The following UNC5A variants were observed in gnomAD, a reference collection of about 807,000 sequenced individuals.
UNC5A encodes netrin receptor UNC5A.
A neutral mutation model predicts 87.4 loss-of-function variants in UNC5A; 20 were observed. The observed-to-expected ratio is 0.23, with a 90% confidence interval of 0.16 to 0.33. The LOEUF (loss-of-function observed/expected upper bound fraction) is 0.33, where lower values mean the gene tolerates loss of function less well. Ranked by LOEUF, UNC5A falls within the 10% of genes least tolerant of loss-of-function variation. The probability of loss-of-function intolerance (pLI) is 1.00; values close to 1 mark genes in which losing one functional copy is unlikely to be tolerated. For synonymous variants in UNC5A, 438 were observed against 482.3 expected, an observed-to-expected ratio of 0.91 and a Z score of 1.20; for missense variants, 844 against 1,133.4, an observed-to-expected ratio of 0.74 and a Z score of 3.67.
At chr5:176,864,764 A>T in intron 2 of UNC5A, 1 of 452,952 alleles carries the variant, frequency 2.2e-6, no homozygotes, top group Non-Finnish European at 4.4e-6. Context: ...TGGGTTAGGT[A>T]CTAGGAGTTA....
chr5:176,867,355 C>T (rs946448799), intron 2 of UNC5A, among the ~76,000 whole-genome samples: 1 of 152,138 alleles, frequency 6.6e-6, no homozygotes, highest in Non-Finnish European at 1.5e-5. Context: ...CAGCCTGGAG[C>T]GGAGTCCCCC....
intron 1 of UNC5A, among the ~76,000 whole-genome samples, chr5:176,854,507 C>T (rs1367342560): frequency 6.6e-6 from 1 of 152,222 alleles, no homozygotes; most frequent in East Asian, 1.9e-4. Flanking sequence ...CCTGCTCCCC[C>T]TGCCCCCTGC....
intron 1 of UNC5A, among the ~76,000 whole-genome samples, chr5:176,858,722 A>AAGGAGG (rs1554098961): frequency 2.0e-5 from 1 of 49,810 alleles, no homozygotes; most frequent in Non-Finnish European, 4.0e-5. Flanking sequence ...AGAGAGAGAG[A>AAGGAGG]GAAGGAAGGA....
intron 6 of UNC5A, among the ~76,000 whole-genome samples, chr5:176,872,379 A>C (rs1403401062): frequency 2.1e-3 from 29 of 13,904 alleles, no homozygotes; most frequent in Middle Eastern, 0.1. Flanking sequence ...GCCCACACTC[A>C]CCAACACCAC....
At chr5:176,819,131 C>A (rs577709448) in intron 1 of UNC5A, among the ~76,000 whole-genome samples, 1 of 152,204 alleles carries the variant, frequency 6.6e-6, no homozygotes, top group Non-Finnish European at 1.5e-5. Context: ...GCCACACCTG[C>A]CCCTTTCCTG....
chr5:176,828,984 A>G (rs1194146083), intron 1 of UNC5A, among the ~76,000 whole-genome samples: 3 of 151,960 alleles, frequency 2.0e-5, no homozygotes, highest in Non-Finnish European at 1.5e-5. Context: ...CAAAAATTAG[A>G]CAGGTGTGGT....
In UNC5A at chr5:176,874,255, A is replaced by C. The variant is rs1214088109; in HGVS notation, c.1076-9A>C. 2 of 1,584,280 alleles carry C rather than the reference A, an allele frequency of 1.3e-6. No individual in the cohort carries two copies. The highest frequency in any genetic ancestry group is 1.2e-5 in the South Asian group (1 of 86,302). ...GGTGCCATTGCCTGAGTCTGTCTTTATCCTGCAGACAACCCCCATCTGCTC... is the reference window on the plus strand; with the variant it reads ...GGTGCCATTGCCTGAGTCTGTCTTTCTCCTGCAGACAACCCCCATCTGCTC... On this transcript the variant is annotated splice_polypyrimidine_tract_variant and intron_variant, in intron 7 of 14. Coordinates refer to ENST00000329542, the MANE Select transcript of UNC5A (RefSeq NM_133369.3). This position sits in a 1 kb window ranked among gnomAD's most constrained non-coding sequence, Gnocchi z 7.6.
chr5:176,843,333 G>T (rs541950247), intron 1 of UNC5A, among the ~76,000 whole-genome samples: 1 of 152,312 alleles, frequency 6.6e-6, no homozygotes, highest in East Asian at 1.9e-4. Flanking sequence ...GGACTCTAAA[G>T]TACTGTGTAC....
At chr5:176,847,250 G>C (rs895498557) in intron 1 of UNC5A, among the ~76,000 whole-genome samples, 7 of 152,194 alleles carry the variant, frequency 4.6e-5, no homozygotes, top group African/African-American at 1.7e-4. Context: ...CATCCAGCGC[G>C]TGACTCTGGG....
Position 176,868,578 on chromosome 5 carries a change from G to C in UNC5A, c.454G>C (p.Glu152Gln), listed in dbSNP as rs561487874. Residue 152 changes from glutamate to glutamine, a missense_variant, in exon 4 of 15, where the codon GAG becomes CAG. Glu to Gln is a conservative substitution (Grantham distance 29). Around this residue, in one of 3 missense-constraint regions of UNC5A, gnomAD observed 314 missense variants for 466.5 expected, o/e 0.67. Transcript: ENST00000329542. ...TCTTCTAGATTTGCGCAAGAACTTC[G>C]AGCAGGAGCCGCTGGCCAAGGAGGT... ...IRIAYLRKNF[E>Q]QEPLAKEVSL... 6.2e-7 allele frequency: 1 copy of C among 1,603,602 alleles called. No homozygotes were observed. The highest frequency in any genetic ancestry group is 8.5e-7 in the Non-Finnish European group (1 of 1,175,832).
In UNC5A at chr5:176,879,929, C is replaced by A; in HGVS notation, c.*43C>A. 6.3e-7 allele frequency: 1 copy of A among 1,585,852 alleles called. No individual in the cohort carries two copies. The highest frequency in any genetic ancestry group is 8.6e-7 in the Non-Finnish European group (1 of 1,167,310). On this transcript the variant is annotated 3_prime_UTR_variant, in exon 15 of 15. Transcript: ENST00000329542. ...ACCTACACTCTCACCAGCTTTGGCACCCACCAAGGACAGGCAGAAGCCGGA... is the reference window on the plus strand; with the variant it reads ...ACCTACACTCTCACCAGCTTTGGCAACCACCAAGGACAGGCAGAAGCCGGA...
Position 176,865,852 on chromosome 5 carries a change from G to T in UNC5A, c.293-2278G>T. Reference sequence around the variant, plus strand: ...TTTGCCCTCATTCCTCACCCAGAAGGCCAGGGGGCAGGGACCAAGGCCTGA... The same window carrying T: ...TTTGCCCTCATTCCTCACCCAGAAGTCCAGGGGGCAGGGACCAAGGCCTGA... On this transcript the variant is annotated intron_variant, in intron 2 of 14. Transcript: ENST00000329542. The surrounding 1 kb of genome is among the most constrained non-coding windows in gnomAD (Gnocchi z 5.3). The T allele has an allele frequency of 5.7e-6, 2 of 353,944 alleles. No individual in the cohort carries two copies. The highest frequency in any genetic ancestry group is 4.2e-5 in the South Asian group (2 of 48,000). 21.9% of individuals were successfully genotyped at this position (353,944 alleles called of 1,614,324 possible).
rs1581273659 is a variant in UNC5A at position 176,868,796 on chromosome 5, C to T, written c.553C>T (p.Arg185Trp). ...CTCCCTCCCCTAGGTGGAGTGGCTC[C>T]GGAACGAGGACCTGGTGGACCCGTC... ...GIPPAEVEWLRNEDLVDPSLD... is the reference protein window; with the variant it reads ...GIPPAEVEWLWNEDLVDPSLD... Residue 185 changes from arginine (R) to tryptophan (W), a missense_variant, in exon 5 of 15, where the codon CGG becomes TGG. Arg to Trp is a moderately radical substitution (Grantham distance 101). Transcript: ENST00000329542. 1.9e-6 allele frequency: 3 copies of T among 1,598,924 alleles called. No homozygotes were observed. The highest frequency in any genetic ancestry group is 2.6e-6 in the Non-Finnish European group (3 of 1,169,092).
At chr5:176,879,540 C>CCGG (rs912289386) in intron 14 of UNC5A, 52 bp downstream of exon 14, 2 of 1,557,078 alleles carry the variant, frequency 1.3e-6, no homozygotes, top group African/African-American at 2.7e-5. Context: ...ACAGTCCTGC[C>CCGG]CGGCGGCGGG....
chr5:176,872,142 C>T (rs1581276532), intron 6 of UNC5A, among the ~76,000 whole-genome samples: 4 of 112,694 alleles, frequency 3.5e-5, no homozygotes, highest in South Asian at 3.5e-4. Flanking sequence ...TGCCCACACT[C>T]GCCCCACACC....
chr5:176,811,253 C>T (rs1756445249), intron 1 of UNC5A, among the ~76,000 whole-genome samples: 1 of 152,212 alleles, frequency 6.6e-6, no homozygotes, highest in South Asian at 2.1e-4. Flanking sequence ...GTAGCATCTG[C>T]CCTAAACAGC....
At chr5:176,822,700 C>T (rs1756756449) in intron 1 of UNC5A, among the ~76,000 whole-genome samples, 1 of 152,208 alleles carries the variant, frequency 6.6e-6, no homozygotes, top group African/African-American at 2.4e-5. Context: ...CCCTGGGCAC[C>T]CCCTGCCTCT....
intron 1 of UNC5A, among the ~76,000 whole-genome samples, chr5:176,831,273 C>T (rs993906963): frequency 1.3e-5 from 2 of 152,178 alleles, no homozygotes; most frequent in Non-Finnish European, 2.9e-5. Flanking sequence ...ACTGCCAGCC[C>T]GGGCCAGGGC....
At chr5:176,819,478 G>T (rs1055196476) in intron 1 of UNC5A, among the ~76,000 whole-genome samples, 1 of 152,176 alleles carries the variant, frequency 6.6e-6, no homozygotes, top group Non-Finnish European at 1.5e-5. Flanking sequence ...GTATGGCCAA[G>T]ATCCTTCCCT....
Sources: gnomAD v4.1 joint callset for allele counts (sites outside exome capture counted in the v4.1 genomes callset) on GRCh38, gnomAD v4.1.1 for gene constraint, gnomAD v4.1.1 regional missense constraint, Gnocchi (gnomAD v3.1) non-coding constraint, MANE v1.5 for transcripts, NCBI Gene and HGNC (gene_info 2026-07-23, HGNC 2026-07-21) for gene names.